SEMA5A: variants seen among roughly 807,000 people sequenced by gnomAD.
The protein encoded by SEMA5A is semaphorin 5A, also known as semaphorin-5A.
In SEMA5A, 55 loss-of-function variants were observed where a neutral mutation model predicts 135.5. The ratio of observed to expected loss-of-function variants is 0.41; its 90% CI spans 0.33 to 0.51. SEMA5A has a LOEUF of 0.51. SEMA5A is among the 20% of genes least tolerant of loss of function. The pLI, the probability that SEMA5A is intolerant of heterozygous loss-of-function variation, is 0.37. For synonymous variants in SEMA5A, 580 were observed against 546.5 expected (o/e 1.06, Z -0.85); for missense variants, 1,290 against 1,419.9 (o/e 0.91, Z 1.47).
chr5:9,309,407 C>G (rs1172571176), intron 5 of SEMA5A, among the ~76,000 whole-genome samples: 1 of 152,118 alleles, frequency 6.6e-6, no homozygotes, highest in African/African-American at 2.4e-5. Context: ...TGAATGCATA[C>G]AAACCACATA....
At chr5:9,161,803 T>C (rs1479440629) in intron 11 of SEMA5A, among the ~76,000 whole-genome samples, 4 of 152,188 alleles carry the variant, frequency 2.6e-5, no homozygotes, top group Non-Finnish European at 5.9e-5. Flanking sequence ...AATATAGAGG[T>C]CCTTCTCTAT....
intron 1 of SEMA5A, among the ~76,000 whole-genome samples, chr5:9,480,495 A>G (rs1759834591): frequency 6.6e-6 from 1 of 152,040 alleles, no homozygotes; most frequent in African/African-American, 2.4e-5. Flanking sequence ...AGGCAATGAG[A>G]CCCTAGAGTT....
intron 1 of SEMA5A, among the ~76,000 whole-genome samples, chr5:9,506,104 AT>A (rs1735867470): frequency 6.6e-6 from 1 of 152,222 alleles, no homozygotes; most frequent in East Asian, 1.9e-4. Flanking sequence ...GGATTAGATA[AT>A]TTAGGCTTCT....
intron 1 of SEMA5A, among the ~76,000 whole-genome samples, chr5:9,470,615 G>A (rs573547760): frequency 2.0e-5 from 3 of 152,212 alleles, no homozygotes; most frequent in East Asian, 3.9e-4. Context: ...GGATTTCTCT[G>A]GCCAATGAGA....
At chr5:9,109,027 AATTTTT>A (rs1431277202) in intron 15 of SEMA5A, among the ~76,000 whole-genome samples, 4 of 118,956 alleles carry the variant, frequency 3.4e-5, no homozygotes, top group South Asian at 2.9e-4. Flanking sequence ...ATTTCTCTTC[AATTTTT>A]TTTTTTTTTT....
At chr5:9,161,447 T>C (rs1481668841) in intron 11 of SEMA5A, among the ~76,000 whole-genome samples, 1 of 152,240 alleles carries the variant, frequency 6.6e-6, no homozygotes, top group Non-Finnish European at 1.5e-5. Flanking sequence ...GAATAAATTT[T>C]AATTATATAT....
chr5:9,066,717 T>C, intron 16 of SEMA5A, 71 bp from the exon 17 acceptor site: 1 of 1,359,140 alleles, frequency 7.4e-7, no homozygotes, highest in Non-Finnish European at 1.0e-6. Context: ...GCTCCTTTCC[T>C]TTAGGGAAAG....
At chr5:9,126,626 C>A (rs1477916676) in intron 13 of SEMA5A, among the ~76,000 whole-genome samples, 2 of 151,246 alleles carry the variant, frequency 1.3e-5, no homozygotes, top group East Asian at 1.9e-4. Context: ...ATTCCTCAAG[C>A]CTGACTCCCT....
chr5:9,304,464 T>A (rs1222880086), intron 5 of SEMA5A, among the ~76,000 whole-genome samples: 1 of 152,106 alleles, frequency 6.6e-6, no homozygotes, highest in Non-Finnish European at 1.5e-5. Context: ...CATCTTTATA[T>A]TATTTTTAAA....
At chr5:9,113,846 G>A (rs1436548200) in intron 15 of SEMA5A, among the ~76,000 whole-genome samples, 1 of 152,166 alleles carries the variant, frequency 6.6e-6, no homozygotes, top group Admixed American at 6.5e-5. Context: ...CGTTGCTGTT[G>A]GGAAAGAACA....
At chr5:9,047,666 A>C (rs574761766) in intron 21 of SEMA5A, among the ~76,000 whole-genome samples, 10 of 152,332 alleles carry the variant, frequency 6.6e-5, no homozygotes, top group African/African-American at 2.4e-4. Flanking sequence ...AAACAAGTGA[A>C]GATGCCTATG....
chr5:9,535,179 G>A lies in SEMA5A; in HGVS notation c.-175+10405C>T, dbSNP rs1579702752. Among the ~76,000 whole-genome samples the A allele has an allele frequency of 2.0e-5, 3 of 146,490 alleles. No individual in the cohort carries two copies. In the South Asian group the frequency reaches 6.6e-4, roughly 32 times the overall value. ...TCAGGGAGCTGGAAACTCCGCAGGT[G>A]GGCCTGGAAAAACTGTTCAAAGTTA... On this transcript the variant is annotated intron_variant, in intron 1 of 22. Coordinates refer to ENST00000382496, the MANE Select transcript of SEMA5A (RefSeq NM_003966.3).
chr5:9,175,064 G>A (rs1744129858), intron 11 of SEMA5A, among the ~76,000 whole-genome samples: 1 of 152,148 alleles, frequency 6.6e-6, no homozygotes, highest in East Asian at 1.9e-4. Context: ...AATGACTGTG[G>A]TGGGCCAGGT....
chr5:9,346,844 C>A (rs1304571224), intron 3 of SEMA5A, among the ~76,000 whole-genome samples: 1 of 151,900 alleles, frequency 6.6e-6, no homozygotes, highest in East Asian at 1.9e-4. Context: ...TTCATACACA[C>A]ATAGATATAT....
intron 16 of SEMA5A, among the ~76,000 whole-genome samples, chr5:9,107,017 C>T (rs1052760782): frequency 1.3e-5 from 2 of 152,190 alleles, no homozygotes; most frequent in Admixed American, 6.5e-5. Flanking sequence ...AAGGATATCT[C>T]GGCTGTGTGG....
At chr5:9,437,491 G>A (rs990354987) in intron 2 of SEMA5A, among the ~76,000 whole-genome samples, 2 of 151,984 alleles carry the variant, frequency 1.3e-5, no homozygotes, top group Non-Finnish European at 2.9e-5. Flanking sequence ...CAAGTAGCTG[G>A]GATTATAGGC....
At chr5:9,126,166 C>A (rs1010403970) in intron 13 of SEMA5A, among the ~76,000 whole-genome samples, 8 of 152,110 alleles carry the variant, frequency 5.3e-5, no homozygotes, top group South Asian at 2.1e-4. Context: ...AGTTAAGAAA[C>A]CTTCTAGGGC....
At chr5:9,445,349 C>T (rs1512508) in intron 1 of SEMA5A, among the ~76,000 whole-genome samples, 21,872 of 151,286 alleles carry the variant, frequency 0.14, 1,979 homozygotes, top group African/African-American at 0.25. Context: ...AGAATCCCTT[C>T]GGTAAATATC....
At chr5:9,122,261 A>C (rs1302784591) in intron 14 of SEMA5A, among the ~76,000 whole-genome samples, 1 of 152,188 alleles carries the variant, frequency 6.6e-6, no homozygotes, top group Non-Finnish European at 1.5e-5. Context: ...CCAATATCCT[A>C]TGGAGTAGAG....
Sources: gnomAD v4.1 joint callset for allele counts (sites outside exome capture counted in the v4.1 genomes callset) on GRCh38, gnomAD v4.1.1 for gene constraint, MANE v1.5 for transcripts, NCBI Gene and HGNC (gene_info 2026-07-23, HGNC 2026-07-21) for gene names.